ZNF626: variants seen among roughly 807,000 people sequenced by gnomAD.
ZNF626 encodes the protein CTC-513N18.7.
In ZNF626, 4 loss-of-function variants were observed where a neutral mutation model predicts 11.7. The observed-to-expected ratio is 0.34, with a 90% CI of 0.17 to 0.78. The LOEUF (loss-of-function observed/expected upper bound fraction) is 0.78. Among genes scored for constraint, ZNF626 ranks in the 30% least tolerant of loss-of-function variants. ZNF626 has a pLI of 0.57. For synonymous variants in ZNF626, 179 were observed against 198.6 expected (o/e 0.90, Z 0.83); for missense variants, 588 against 587.1 (o/e 1.00, Z -0.01).
chr19:20,661,459 G>C lies in ZNF626; in HGVS notation c.-13C>G. 1 of 1,613,788 alleles carries C rather than the reference G, an allele frequency of 6.2e-7. No homozygotes were observed. Among genetic ancestry groups the C allele is most frequent in the Non-Finnish European group, 8.5e-7 (1 of 1,179,772 alleles). ...TCACTCTCACCATTTTTGGCTTCCA[G>C]GAGGTCCCGGTGTCTTAGCTGTGGA... On this transcript the variant is annotated 5_prime_UTR_variant, in exon 1 of 4. Transcript: ENST00000601440.
chr19:20,651,010 A>T (rs375952067), intron 1 of ZNF626, among the ~76,000 whole-genome samples: 1 of 152,096 alleles, frequency 6.6e-6, no homozygotes, highest in East Asian at 1.9e-4. Context: ...AAGATTTTGA[A>T]ACCCCGTCTC....
chr19:20,626,734 G>A (rs1298571131), intron 3 of ZNF626, among the ~76,000 whole-genome samples: 2 of 152,022 alleles, frequency 1.3e-5, no homozygotes, highest in Admixed American at 6.6e-5. Context: ...AATAAAATAG[G>A]CTGGGCGCAA....
At position 20,623,565 on chromosome 19, in the gene ZNF626, G is replaced by A. The variant is rs1555768977; in HGVS notation, c.*725C>T. The A allele has an allele frequency of 6.3e-6, 1 of 159,380 alleles. No individual in the cohort carries two copies. Among genetic ancestry groups the A allele is most frequent in the African/African-American group, 2.4e-5 (1 of 41,474 alleles). The allele number at this position is 159,380 out of a possible 1,614,324, so 9.9% of individuals were successfully genotyped here. ...TGTAATTGCAACACTTTAGGAGGCTGAGGTGGGTGGATCATGTGAGGTCAG... is the reference window on the plus strand; with the variant it reads ...TGTAATTGCAACACTTTAGGAGGCTAAGGTGGGTGGATCATGTGAGGTCAG... On this transcript the variant is annotated 3_prime_UTR_variant, in exon 4 of 4. Transcript: ENST00000601440.
intron 2 of ZNF626, 60 bp from the exon 3 acceptor site, chr19:20,645,839 A>G: frequency 7.5e-7 from 1 of 1,335,354 alleles, no homozygotes; most frequent in Non-Finnish European, 1.0e-6. Context: ...ACAAGCTAGT[A>G]ATGTGCTCAG....
At chr19:20,627,180 G>A (rs1325834373) in intron 3 of ZNF626, among the ~76,000 whole-genome samples, 3 of 151,854 alleles carry the variant, frequency 2.0e-5, no homozygotes, top group African/African-American at 7.3e-5. Flanking sequence ...TTCTTAAAAG[G>A]AAAAATGATG....
chr19:20,652,112 T>C (rs1555772628), intron 1 of ZNF626, among the ~76,000 whole-genome samples: 2 of 152,314 alleles, frequency 1.3e-5, no homozygotes. Context: ...TAGTTTTCTG[T>C]ACATTCTCTA....
intron 1 of ZNF626, among the ~76,000 whole-genome samples, chr19:20,647,452 A>C (rs556356806): frequency 4.6e-5 from 7 of 151,662 alleles, no homozygotes; most frequent in African/African-American, 1.7e-4. Context: ...TTAATGGTTA[A>C]TGCATTAACT....
intron 1 of ZNF626, among the ~76,000 whole-genome samples, chr19:20,648,342 C>G (rs1970106035): frequency 6.6e-6 from 1 of 151,158 alleles, no homozygotes; most frequent in South Asian, 2.1e-4. Context: ...TAAATGCCAT[C>G]CCATTTAAAT....
At chr19:20,625,695 GA>G (rs782086776) in intron 3 of ZNF626, 45 bp from the exon 4 acceptor site, 1 of 1,486,618 alleles carries the variant, frequency 6.7e-7, no homozygotes, top group Admixed American at 2.4e-5. Context: ...GGTAGACTCA[GA>G]TAAATATAAA....
intron 1 of ZNF626, among the ~76,000 whole-genome samples, chr19:20,654,982 C>T (rs782621893): frequency 1.3e-5 from 2 of 151,712 alleles, no homozygotes; most frequent in Admixed American, 6.6e-5. Context: ...CATGGTGATG[C>T]ATGCCTGTAA....
intron 3 of ZNF626, among the ~76,000 whole-genome samples, chr19:20,636,778 T>C (rs1421410936): frequency 6.6e-6 from 1 of 152,146 alleles, no homozygotes; most frequent in African/African-American, 2.4e-5. Flanking sequence ...CCCAACACTT[T>C]GGGAGGCCAA....
chr19:20,640,049 C>T (rs767030251), intron 3 of ZNF626, among the ~76,000 whole-genome samples: 4 of 151,902 alleles, frequency 2.6e-5, no homozygotes, highest in Admixed American at 6.6e-5. Context: ...TGATCTTCCA[C>T]AAAGTTGCCA....
rs1301832145 is a variant in ZNF626 at position 20,620,399 on chromosome 19, C to T, written c.*3891G>A. On this transcript the variant is annotated 3_prime_UTR_variant, in exon 4 of 4. Transcript: ENST00000601440. Reference sequence around the variant, plus strand: ...ATGCATATTTACCAAACACTCATTTCATAATTTTCTTACACCTAAGGTTTA... The same window carrying T: ...ATGCATATTTACCAAACACTCATTTTATAATTTTCTTACACCTAAGGTTTA... 6.6e-6 allele frequency: 1 copy of T among 152,154 alleles called. No homozygotes were observed. Among genetic ancestry groups the T allele is most frequent in the Non-Finnish European group, 1.5e-5 (1 of 68,022 alleles). The allele number at this position is 152,154 out of a possible 1,614,324, so 9.4% of individuals were successfully genotyped here.
At chr19:20,647,487 T>TTTTG (rs1970093508) in intron 1 of ZNF626, among the ~76,000 whole-genome samples, 1 of 118,716 alleles carries the variant, frequency 8.4e-6, no homozygotes, top group African/African-American at 6.3e-5. Context: ...GACAATGGTT[T>TTTTG]TTTTTTTTTT....
chr19:20,642,977 C>T (rs539851926), intron 3 of ZNF626, among the ~76,000 whole-genome samples: 1 of 149,994 alleles, frequency 6.7e-6, no homozygotes, highest in African/African-American at 2.5e-5. Flanking sequence ...CACCACTGCA[C>T]TCCAGTCTGG....
Position 20,625,646 on chromosome 19 carries a change from C to G in ZNF626, c.231G>C (p.Met77Ile). 1 of 1,529,954 alleles carries G rather than the reference C, an allele frequency of 6.5e-7. No homozygotes were observed. Among genetic ancestry groups the G allele is most frequent in the Non-Finnish European group, 8.7e-7 (1 of 1,144,226 alleles). The allele number at this position is 1,529,954 out of a possible 1,614,324, so 94.8% of individuals were successfully genotyped here. The change falls in exon 4 of 4, where the codon ATG (methionine) becomes ATC (isoleucine). Residue 77 changes from methionine to isoleucine, a missense_variant. Transcript: ENST00000601440. Reference protein sequence around the residue: ...RNEMIAKPSVMCSHFAQDLWP... With the variant: ...RNEMIAKPSVICSHFAQDLWP... ...AAAGGTCTTGGGCAAAATGAGAACA[C>G]ATTACTGAAAGAAACAATAAAAACA...
chr19:20,629,135 G>C lies in ZNF626; in HGVS notation c.227-3485C>G, dbSNP rs544847760. On this transcript the variant is annotated intron_variant, in intron 3 of 3. Transcript: ENST00000601440. ...TCTGAGGGCTCTGTTCTGTTCCATT[G>C]GTCTATATCTCTGGTTTGGTACCAG... Among the ~76,000 whole-genome samples, 19 of 152,154 alleles carry C rather than the reference G, an allele frequency of 1.2e-4. No homozygotes were observed. The East Asian group carries it at 3.1e-3, about 25-fold the overall frequency.
chr19:20,631,779 C>T (rs2144770104), intron 3 of ZNF626, among the ~76,000 whole-genome samples: 1 of 151,240 alleles, frequency 6.6e-6, no homozygotes, highest in Non-Finnish European at 1.5e-5. Flanking sequence ...GAGCATTTAG[C>T]CCATTTACAT....
chr19:20,654,338 G>A (rs928155543), intron 1 of ZNF626, among the ~76,000 whole-genome samples: 6 of 152,260 alleles, frequency 3.9e-5, no homozygotes, highest in Middle Eastern at 3.4e-3. Flanking sequence ...AGCTACTTGG[G>A]AGGCTGAGGC....
Sources: gnomAD v4.1 joint callset for allele counts (sites outside exome capture counted in the v4.1 genomes callset) on GRCh38, gnomAD v4.1.1 for gene constraint, MANE v1.5 for transcripts, NCBI Gene and HGNC (gene_info 2026-07-23, HGNC 2026-07-21) for gene names.